Variants in RAP1A observed in about 807,000 individuals in gnomAD.
RAP1A encodes the protein RAP1A, member of RAS oncogene family.
In RAP1A, 6 loss-of-function variants were observed where a neutral mutation model predicts 26.4. The observed-to-expected ratio is 0.23, with a 90% CI of 0.12 to 0.45. The LOEUF is 0.45. Among genes scored for constraint, RAP1A ranks in the 20% least tolerant of loss-of-function variants. The pLI, the probability that RAP1A is intolerant of heterozygous loss-of-function variation, is 0.99. For missense variants in RAP1A, 121 were observed against 217.2 expected (o/e 0.56, Z 2.78); for synonymous variants, 73 against 79.4 (o/e 0.92, Z 0.43).
At chr1:111,654,889 G>C (rs777694876) in intron 1 of RAP1A, among the ~76,000 whole-genome samples, 5 of 151,356 alleles carry the variant, frequency 3.3e-5, no homozygotes, top group Non-Finnish European at 5.9e-5. Context: ...ATGTGGACTG[G>C]CTGAATGCGG....
At chr1:111,549,340 T>C (rs1356658910) in intron 1 of RAP1A, among the ~76,000 whole-genome samples, 1 of 151,602 alleles carries the variant, frequency 6.6e-6, no homozygotes, top group African/African-American at 2.4e-5. Flanking sequence ...TCTTTTTCCT[T>C]TTTTTCCCCC....
At chr1:111,547,126 C>T (rs551250870) in intron 1 of RAP1A, among the ~76,000 whole-genome samples, 1 of 152,204 alleles carries the variant, frequency 6.6e-6, no homozygotes, top group East Asian at 1.9e-4. Context: ...TTGTATCCTT[C>T]AACTTTGAAT....
intron 1 of RAP1A, among the ~76,000 whole-genome samples, chr1:111,671,686 C>T (rs1660980443): frequency 6.6e-6 from 1 of 152,182 alleles, no homozygotes; most frequent in Non-Finnish European, 1.5e-5. Context: ...GTTGGCCAGG[C>T]TAGTCTTGAA....
At chr1:111,642,536 A>G (rs1210304042) in intron 1 of RAP1A, among the ~76,000 whole-genome samples, 4 of 149,014 alleles carry the variant, frequency 2.7e-5, no homozygotes, top group Non-Finnish European at 3.0e-5. Flanking sequence ...CTCCCAGGCT[A>G]GAGTTCAGTG....
chr1:111,593,331 TG>T (rs1175527025), intron 1 of RAP1A, among the ~76,000 whole-genome samples: 1 of 152,270 alleles, frequency 6.6e-6, no homozygotes, highest in Non-Finnish European at 1.5e-5. Flanking sequence ...GCAATGATAT[TG>T]CTCTAGGGCC....
At chr1:111,681,936 C>T (rs1661309567) in intron 1 of RAP1A, among the ~76,000 whole-genome samples, 1 of 152,110 alleles carries the variant, frequency 6.6e-6, no homozygotes, top group Admixed American at 6.6e-5. Context: ...ACGTTAAGGC[C>T]AGCCATAGAG....
chr1:111,689,955 C>A (rs554730244), intron 1 of RAP1A, among the ~76,000 whole-genome samples: 1 of 152,330 alleles, frequency 6.6e-6, no homozygotes, highest in South Asian at 2.1e-4. Flanking sequence ...GGATTACAGG[C>A]GTGAGCCACT....
At chr1:111,549,325 T>C (rs1657161748) in intron 1 of RAP1A, among the ~76,000 whole-genome samples, 3 of 150,590 alleles carry the variant, frequency 2.0e-5, no homozygotes, top group East Asian at 3.9e-4. Flanking sequence ...TTTTTTTTTT[T>C]CTTGTCTTTT....
At chr1:111,612,105 C>T (rs922564578) in intron 1 of RAP1A, among the ~76,000 whole-genome samples, 17 of 151,518 alleles carry the variant, frequency 1.1e-4, no homozygotes, top group African/African-American at 2.4e-4. Flanking sequence ...TATTGAAGGG[C>T]GGGTTGGTCT....
intron 1 of RAP1A, chr1:111,608,787 G>A (rs1658865716): frequency 6.4e-6 from 1 of 156,702 alleles, no homozygotes; most frequent in Admixed American, 6.5e-5. Flanking sequence ...TGCAATTGCA[G>A]GCACTCCGCA....
Position 111,693,716 on chromosome 1 carries a change from A to G in RAP1A, c.58-1625A>G, listed in dbSNP as rs79088099. On this transcript the variant is annotated intron_variant, in intron 2 of 7. Transcript: ENST00000369709. Reference sequence around the variant, plus strand: ...TGTATCCAGTCTCTTTCAATAGCACATGTTCTATACCCTTTGGAAGATTCC... The same window carrying G: ...TGTATCCAGTCTCTTTCAATAGCACGTGTTCTATACCCTTTGGAAGATTCC... Among the ~76,000 whole-genome samples, 742 of 152,290 alleles carry G rather than the reference A, an allele frequency of 4.9e-3. 5 individuals carry two copies. Among genetic ancestry groups the G allele is most frequent in the Non-Finnish European group, 7.8e-3 (530 of 68,016 alleles).
intron 1 of RAP1A, among the ~76,000 whole-genome samples, chr1:111,641,113 G>A (rs950891860): frequency 6.6e-6 from 1 of 152,176 alleles, no homozygotes; most frequent in African/African-American, 2.4e-5. Flanking sequence ...GAAGTTTCCT[G>A]TAAAAACATG....
At chr1:111,588,510 G>A (rs975566395) in intron 1 of RAP1A, among the ~76,000 whole-genome samples, 4 of 152,000 alleles carry the variant, frequency 2.6e-5, no homozygotes, top group Non-Finnish European at 4.4e-5. Context: ...CCCATGATAC[G>A]CCCCTGCCCA....
In RAP1A at chr1:111,697,429, T is replaced by G. The variant is rs1661869695; in HGVS notation, c.127-12T>G. 6.2e-7 allele frequency: 1 copy of G among 1,611,994 alleles called. No homozygotes were observed. Among genetic ancestry groups the G allele is most frequent in the African/African-American group, 1.3e-5 (1 of 74,712 alleles). ...TTACTCTTTAACCTTTTTTTTTTTT[T>G]TGCCCCCACAGCAAGTTGAAGTCGA... is the stretch of plus-strand genomic sequence containing the variant. On this transcript the variant is annotated splice_polypyrimidine_tract_variant and intron_variant, in intron 3 of 7. Coordinates refer to ENST00000369709, the MANE Select transcript of RAP1A (RefSeq NM_002884.4).
intron 2 of RAP1A, among the ~76,000 whole-genome samples, chr1:111,694,539 G>A (rs1482859328): frequency 3.9e-5 from 6 of 152,144 alleles, no homozygotes; most frequent in African/African-American, 9.6e-5. Flanking sequence ...TGATAAATAC[G>A]TATTTTCTAG....
intron 1 of RAP1A, among the ~76,000 whole-genome samples, chr1:111,640,825 G>A (rs965638168): frequency 2.6e-5 from 4 of 152,090 alleles, no homozygotes; most frequent in African/African-American, 9.7e-5. Context: ...TTAGCAGGGT[G>A]TGGTGGTGCA....
chr1:111,565,007 G>A (rs1401026243), intron 1 of RAP1A, among the ~76,000 whole-genome samples: 1 of 152,156 alleles, frequency 6.6e-6, no homozygotes, highest in Non-Finnish European at 1.5e-5. Context: ...GTGGAATGGG[G>A]TCTATGTTGG....
intron 1 of RAP1A, among the ~76,000 whole-genome samples, chr1:111,574,228 G>A (rs919688052): frequency 6.6e-6 from 1 of 152,148 alleles, no homozygotes; most frequent in Admixed American, 6.5e-5. Context: ...TTTCCTCATT[G>A]CTTGTTTTTG....
At chr1:111,664,537 TC>T (rs1660743919) in intron 1 of RAP1A, among the ~76,000 whole-genome samples, 1 of 152,112 alleles carries the variant, frequency 6.6e-6, no homozygotes, top group African/African-American at 2.4e-5. Context: ...CTGCCTTTTT[TC>T]TGGAATTCCA....
Sources: gnomAD v4.1 joint callset for allele counts (sites outside exome capture counted in the v4.1 genomes callset) on GRCh38, gnomAD v4.1.1 for gene constraint, MANE v1.5 for transcripts, NCBI Gene and HGNC (gene_info 2026-07-23, HGNC 2026-07-21) for gene names.